The following PDE4D variants were observed in gnomAD, a reference collection of about 807,000 sequenced individuals.
The protein encoded by PDE4D is 3',5'-cyclic-AMP phosphodiesterase 4D.
Under a neutral mutation model 87.4 loss-of-function variants are expected in PDE4D, and 24 were observed. That is an observed-to-expected ratio of 0.27 (90% CI 0.20 to 0.39). The LOEUF (loss-of-function observed/expected upper bound fraction) is 0.39. Ranked by LOEUF, PDE4D falls within the 10% of genes least tolerant of loss-of-function variation. PDE4D has a pLI of 1.00. For synonymous variants in PDE4D, 384 were observed against 383.2 expected (o/e 1.00, Z -0.02); for missense variants, 714 against 1,041.0 (o/e 0.69, Z 4.32).
At chr5:59,900,574 A>T (rs1309703671) in intron 3 of PDE4D, among the ~76,000 whole-genome samples, 1 of 152,176 alleles carries the variant, frequency 6.6e-6, no homozygotes, top group Non-Finnish European at 1.5e-5. Context: ...GCAGCAATAC[A>T]GTTAAAATGA....
chr5:59,826,455 G>A (rs1019427372), intron 1 of PDE4D, among the ~76,000 whole-genome samples: 3 of 151,984 alleles, frequency 2.0e-5, no homozygotes, highest in African/African-American at 7.3e-5. Flanking sequence ...TCTTATTCAT[G>A]TTCTTGCTAA....
chr5:60,173,640 G>C (rs897923679), intron 2 of PDE4D, among the ~76,000 whole-genome samples: 2 of 151,892 alleles, frequency 1.3e-5, no homozygotes, highest in Admixed American at 1.3e-4. Flanking sequence ...ATCAAAAGAA[G>C]TTGTGAAAAG....
intron 1 of PDE4D, among the ~76,000 whole-genome samples, chr5:60,484,429 C>T (rs1206739153): frequency 1.3e-5 from 2 of 151,992 alleles, no homozygotes; most frequent in Non-Finnish European, 2.9e-5. Flanking sequence ...TCAATCCAAT[C>T]AATAAGAAAT....
At chr5:60,194,137 A>G (rs546060860) in intron 1 of PDE4D, among the ~76,000 whole-genome samples, 1 of 151,564 alleles carries the variant, frequency 6.6e-6, no homozygotes, top group East Asian at 1.9e-4. Context: ...AAATCAAGCT[A>G]TTTGAAAAAA....
At chr5:59,279,193 C>G (rs1372123905) in intron 1 of PDE4D, among the ~76,000 whole-genome samples, 1 of 152,010 alleles carries the variant, frequency 6.6e-6, no homozygotes, top group African/African-American at 2.4e-5. Flanking sequence ...ATATTCAGGC[C>G]TCTCAAATAT....
At chr5:59,398,919 C>T (rs1257528215) in intron 1 of PDE4D, among the ~76,000 whole-genome samples, 2 of 116,922 alleles carry the variant, frequency 1.7e-5, no homozygotes, top group African/African-American at 7.2e-5. Flanking sequence ...AAATCACAAG[C>T]ATTCTTATAC....
At chr5:60,130,071 A>C (rs1406133991) in intron 2 of PDE4D, among the ~76,000 whole-genome samples, 1 of 152,208 alleles carries the variant, frequency 6.6e-6, no homozygotes, top group African/African-American at 2.4e-5. Flanking sequence ...ACACAGGTAG[A>C]ATGCACCATC....
chr5:59,905,498 G>T (rs1752717227), intron 3 of PDE4D, among the ~76,000 whole-genome samples: 1 of 151,996 alleles, frequency 6.6e-6, no homozygotes, highest in Non-Finnish European at 1.5e-5. Context: ...ATTTATCATG[G>T]TTATTAAGAG....
chr5:60,248,643 AC>A (rs1336721758), intron 1 of PDE4D, among the ~76,000 whole-genome samples: 1 of 151,806 alleles, frequency 6.6e-6, no homozygotes, highest in Non-Finnish European at 1.5e-5. Flanking sequence ...TTCTTTCATG[AC>A]CTCTCTTATC....
chr5:59,356,062 T>C (rs570923841), intron 1 of PDE4D, among the ~76,000 whole-genome samples: 1 of 152,354 alleles, frequency 6.6e-6, no homozygotes. Flanking sequence ...AGGTTTTCTT[T>C]CTAAACAATA....
intron 1 of PDE4D, among the ~76,000 whole-genome samples, chr5:60,260,088 G>C (rs959359760): frequency 8.6e-5 from 13 of 151,750 alleles, no homozygotes; most frequent in Non-Finnish European, 1.5e-4. Flanking sequence ...AATCTATTTA[G>C]GTTCATTTAA....
intron 1 of PDE4D, among the ~76,000 whole-genome samples, chr5:60,330,196 T>C (rs1289575860): frequency 1.3e-5 from 2 of 150,264 alleles, no homozygotes; most frequent in Non-Finnish European, 2.9e-5. Context: ...GAAAAAGTAG[T>C]TAATGACTCA....
At chr5:59,821,155 C>T (rs940089804) in intron 1 of PDE4D, among the ~76,000 whole-genome samples, 6 of 152,010 alleles carry the variant, frequency 3.9e-5, no homozygotes, top group Non-Finnish European at 5.9e-5. Flanking sequence ...ATCACTTGAA[C>T]CCAGGAGGCG....
intron 1 of PDE4D, among the ~76,000 whole-genome samples, chr5:59,435,811 T>C (rs1398156879): frequency 6.6e-6 from 1 of 152,214 alleles, no homozygotes; most frequent in African/African-American, 2.4e-5. Flanking sequence ...ATAATAATTA[T>C]AAATATTTGA....
intron 1 of PDE4D, among the ~76,000 whole-genome samples, chr5:59,467,249 C>A (rs888987239): frequency 6.6e-6 from 1 of 152,146 alleles, no homozygotes; most frequent in African/African-American, 2.4e-5. Context: ...AAAATTAACA[C>A]ATGGATTCTA....
At position 59,997,269 on chromosome 5, in the gene PDE4D, TG is replaced by T. The variant is rs1475519939; in HGVS notation, c.43-8553del. Among the ~76,000 whole-genome samples the T allele has an allele frequency of 3.9e-5, 6 of 152,230 alleles. 1 individual carries two copies. Among genetic ancestry groups the T allele is most frequent in the African/African-American group, 1.2e-4 (5 of 41,564 alleles). ...CCAAGTGTAGAAAAGAAACTAACAT[TG>T]TTTTTTTAGCAGCTAAAAATTATGT... On this transcript the variant is annotated intron_variant, in intron 2 of 16. Transcript: ENST00000502484.
intron 1 of PDE4D, among the ~76,000 whole-genome samples, chr5:60,189,452 C>G (rs1324395626): frequency 6.6e-6 from 1 of 152,126 alleles, no homozygotes; most frequent in African/African-American, 2.4e-5. Flanking sequence ...CCCCTCATAT[C>G]TCCACAACCC....
At chr5:60,456,556 G>A (rs1746480972) in intron 1 of PDE4D, among the ~76,000 whole-genome samples, 1 of 152,142 alleles carries the variant, frequency 6.6e-6, no homozygotes, top group African/African-American at 2.4e-5. Flanking sequence ...TGGAATCCCT[G>A]CCCAATTAGC....
chr5:59,396,543 G>C (rs1789458463), intron 1 of PDE4D, among the ~76,000 whole-genome samples: 1 of 77,178 alleles, frequency 1.3e-5, no homozygotes, highest in Admixed American at 1.2e-4. Context: ...GAGAGATTTT[G>C]TCACCACCAG....
Sources: allele counts gnomAD v4.1 joint callset (sites outside exome capture counted in the v4.1 genomes callset), GRCh38; gene constraint gnomAD v4.1.1; transcripts MANE v1.5; gene names NCBI Gene and HGNC (gene_info 2026-07-23, HGNC 2026-07-21).